TAPT1: variants seen among roughly 807,000 people sequenced by gnomAD.
TAPT1 encodes the protein transmembrane anterior posterior transformation 1.
A neutral mutation model predicts 65.6 loss-of-function variants in TAPT1; 28 were observed. That is an observed-to-expected ratio of 0.43 (90% CI 0.32 to 0.59). The LOEUF (loss-of-function observed/expected upper bound fraction) is 0.59, where lower values mean the gene tolerates loss of function less well. TAPT1 is among the 20% of genes least tolerant of loss of function. TAPT1 has a pLI of 0.09. For synonymous variants in TAPT1, 278 were observed against 245.2 expected (o/e 1.13, Z -1.25); for missense variants, 563 against 679.9 (o/e 0.83, Z 1.91).
At position 16,217,915 on chromosome 4, in the gene TAPT1, T is replaced by C. The variant is rs534723554; in HGVS notation, c.200-4017A>G. On this transcript the variant is annotated intron_variant, in intron 1 of 13. Transcript: ENST00000405303. ...ACGGGTACCTGAACCTCAAACCCCC[T>C]GAGGGAACAGGGTACCATGATGCAG... Among the ~76,000 whole-genome samples, 3 of 152,256 alleles carry C rather than the reference T, an allele frequency of 2.0e-5. No individual in the cohort carries two copies. In the East Asian group the frequency reaches 5.8e-4, roughly 29 times the overall value.
intron 11 of TAPT1, among the ~76,000 whole-genome samples, chr4:16,173,188 C>G (rs372067107): frequency 3.3e-5 from 5 of 152,220 alleles, no homozygotes; most frequent in African/African-American, 1.2e-4. Context: ...ACAAGTGCAG[C>G]CAGCAAATTT....
upstream of TAPT1, chr4:16,227,079 CAT>C: frequency 2.2e-6 from 1 of 454,836 alleles, no homozygotes; most frequent in Non-Finnish European, 4.4e-6. Flanking sequence ...ATCTCTTCTG[CAT>C]ATTTATGCTT....
At chr4:16,224,703 A>C (rs1751447236) in intron 1 of TAPT1, among the ~76,000 whole-genome samples, 1 of 152,190 alleles carries the variant, frequency 6.6e-6, no homozygotes, top group African/African-American at 2.4e-5. Flanking sequence ...AGCCTTAAAC[A>C]TGGTGAACCA....
At chr4:16,194,629 G>A (rs1330422637) in intron 3 of TAPT1, among the ~76,000 whole-genome samples, 1 of 151,818 alleles carries the variant, frequency 6.6e-6, no homozygotes, top group Non-Finnish European at 1.5e-5. Flanking sequence ...CTATCATTTG[G>A]TATTTCTAAA....
intron 2 of TAPT1, among the ~76,000 whole-genome samples, chr4:16,202,904 ATT>A (rs1750123210): frequency 6.6e-6 from 1 of 152,180 alleles, no homozygotes; most frequent in South Asian, 2.1e-4. Context: ...TAATTTTGCT[ATT>A]CCTGTTTATT....
intron 2 of TAPT1, among the ~76,000 whole-genome samples, chr4:16,206,753 A>G (rs928517020): frequency 3.3e-5 from 5 of 152,138 alleles, no homozygotes; most frequent in Non-Finnish European, 4.4e-5. Flanking sequence ...GACTGTTTCC[A>G]AAGCTGAAAT....
chr4:16,203,238 C>T (rs1750143431), intron 2 of TAPT1, among the ~76,000 whole-genome samples: 1 of 152,190 alleles, frequency 6.6e-6, no homozygotes, highest in Non-Finnish European at 1.5e-5. Context: ...CTAACAAACT[C>T]AGCTACTCAT....
chr4:16,191,337 G>A (rs1327107089), intron 4 of TAPT1, 24 bp downstream of exon 4: 2 of 1,585,032 alleles, frequency 1.3e-6, no homozygotes, highest in South Asian at 2.3e-5. Flanking sequence ...GGCCAGGCCT[G>A]TGCGGGGTAA....
At chr4:16,185,717 G>A (rs1383459308) in intron 7 of TAPT1, among the ~76,000 whole-genome samples, 4 of 152,064 alleles carry the variant, frequency 2.6e-5, no homozygotes, top group African/African-American at 7.3e-5. Context: ...GGACCAAAAA[G>A]TCTGACAAGC....
intron 13 of TAPT1, among the ~76,000 whole-genome samples, chr4:16,163,824 C>T (rs1457721925): frequency 6.6e-6 from 1 of 152,196 alleles, no homozygotes; most frequent in Non-Finnish European, 1.5e-5. Flanking sequence ...TACATTACGG[C>T]TCCTCTCTAT....
At position 16,202,493 on chromosome 4, in the gene TAPT1, T is replaced by G; in HGVS notation, c.418A>C (p.Arg140=). The change falls in exon 3 of 14, where the codon AGG becomes CGG. Residue 140 remains arginine, a synonymous_variant. Coordinates refer to ENST00000405303, the MANE Select transcript of TAPT1 (RefSeq NM_153365.3). The part of the protein sequence containing the change: ...LPLRVFLALF[R]LLTLPCYGLR... ...CCATAGCAAGGCAAAGTGAGGAGCC[T>G]GAATAGTGCCAGGAAAACTCTTAAA... 1 of 1,551,616 alleles carries G rather than the reference T, an allele frequency of 6.4e-7. No homozygotes were observed. The highest frequency in any genetic ancestry group is 8.7e-7 in the Non-Finnish European group (1 of 1,147,106).
At position 16,188,229 on chromosome 4, in the gene TAPT1, G is replaced by C. The variant is rs1241492513; in HGVS notation, c.739C>G (p.Leu247Val). The stretch of plus-strand genomic sequence containing the variant: ...AGGTCTATAAGGATACAGACATAGA[G>C]AACAGCCATGAAAAAGTGAGGAATC... Reference protein sequence around the residue: ...GVIPHFFMAVLYVFLHAILIM... With the variant: ...GVIPHFFMAVVYVFLHAILIM... The change falls in exon 5 of 14, where the codon CTC becomes GTC. Residue 247 changes from leucine (L) to valine (V), a missense_variant. Coordinates refer to ENST00000405303, the MANE Select transcript of TAPT1 (RefSeq NM_153365.3). 1 of 1,607,086 alleles carries C rather than the reference G, an allele frequency of 6.2e-7. No homozygotes were observed.
At chr4:16,213,611 C>A (rs1409081787) in intron 2 of TAPT1, among the ~76,000 whole-genome samples, 157 bp downstream of exon 2, 1 of 152,156 alleles carries the variant, frequency 6.6e-6, no homozygotes, top group Non-Finnish European at 1.5e-5. Flanking sequence ...AAAAATGTAA[C>A]TTTAAAGCTT....
At chr4:16,227,337 C>T (rs910813250), upstream of TAPT1, 8 of 456,160 alleles carry the variant, frequency 1.8e-5, no homozygotes, top group African/African-American at 1.6e-4. Flanking sequence ...GCTGGACCTC[C>T]CCTTTCCAGC....
At chr4:16,197,327 T>A (rs913312050) in intron 3 of TAPT1, among the ~76,000 whole-genome samples, 5 of 152,216 alleles carry the variant, frequency 3.3e-5, no homozygotes, top group African/African-American at 1.2e-4. Flanking sequence ...ACTCCGGCAT[T>A]TATTACTTAA....
chr4:16,189,230 C>G (rs1749205213), intron 4 of TAPT1, among the ~76,000 whole-genome samples: 1 of 152,148 alleles, frequency 6.6e-6, no homozygotes, highest in African/African-American at 2.4e-5. Flanking sequence ...CACATCCTAA[C>G]AGAGGCCTTT....
chr4:16,223,531 T>C (rs976713762), intron 1 of TAPT1, among the ~76,000 whole-genome samples: 15 of 152,120 alleles, frequency 9.9e-5, no homozygotes, highest in Admixed American at 3.9e-4. Context: ...GAATGATGAG[T>C]GGGATTCCCA....
chr4:16,215,016 G>A (rs1384278053), intron 1 of TAPT1, among the ~76,000 whole-genome samples: 1 of 152,146 alleles, frequency 6.6e-6, no homozygotes, highest in Non-Finnish European at 1.5e-5. Context: ...CCTTGGCCAG[G>A]CACGGTGGCT....
At chr4:16,221,780 T>C (rs1195732370) in intron 1 of TAPT1, among the ~76,000 whole-genome samples, 2 of 152,248 alleles carry the variant, frequency 1.3e-5, no homozygotes, top group African/African-American at 4.8e-5. Flanking sequence ...CATAAAACTT[T>C]AGTAAACTTT....
Sources: gnomAD v4.1 joint callset for allele counts (sites outside exome capture counted in the v4.1 genomes callset) on GRCh38, gnomAD v4.1.1 for gene constraint, MANE v1.5 for transcripts, NCBI Gene and HGNC (gene_info 2026-07-23, HGNC 2026-07-21) for gene names.